ATF7IP2: variants seen among roughly 807,000 people sequenced by gnomAD.
ATF7IP2 encodes the protein activating transcription factor 7-interacting protein 2.
A neutral mutation model predicts 64.2 loss-of-function variants in ATF7IP2; 42 were observed. That is an observed-to-expected ratio of 0.65 (90% CI 0.51 to 0.85). The LOEUF (loss-of-function observed/expected upper bound fraction) is 0.85, where lower values mean the gene tolerates loss of function less well. Ranked by LOEUF, ATF7IP2 falls within the 40% of genes least tolerant of loss-of-function variation. The pLI, the probability that ATF7IP2 is intolerant of heterozygous loss-of-function variation, is 0.00. For synonymous variants in ATF7IP2, 308 were observed against 272.8 expected, an observed-to-expected ratio of 1.13 and a Z score of -1.27; for missense variants, 933 against 784.2, an observed-to-expected ratio of 1.19 and a Z score of -2.27.
At chr16:10,475,722 G>GGA (rs2049979660) in intron 12 of ATF7IP2, among the ~76,000 whole-genome samples, 1 of 41,630 alleles carries the variant, frequency 2.4e-5, no homozygotes, top group Non-Finnish European at 4.0e-5. Flanking sequence ...TAAGAAGCCA[G>GGA]AAAAAAAAAA....
At chr16:10,462,156 C>T (rs1315095630) in intron 9 of ATF7IP2, among the ~76,000 whole-genome samples, 1 of 152,048 alleles carries the variant, frequency 6.6e-6, no homozygotes, top group East Asian at 1.9e-4. Context: ...AATGCTTGAT[C>T]TTAGAATACT....
intron 9 of ATF7IP2, among the ~76,000 whole-genome samples, chr16:10,470,486 C>CTGAT (rs2049752144): frequency 6.6e-6 from 1 of 152,106 alleles, no homozygotes; most frequent in Admixed American, 6.6e-5. Context: ...AAGTAACAAA[C>CTGAT]TGATTAAAAA....
chr16:10,441,773 C>T (rs2048631736), intron 8 of ATF7IP2, among the ~76,000 whole-genome samples: 1 of 152,192 alleles, frequency 6.6e-6, no homozygotes, highest in East Asian at 1.9e-4. Flanking sequence ...TCAATTTTGG[C>T]TTTTGTTGCT....
chr16:10,386,257 G>A (rs1054351737), intron 1 of ATF7IP2, 135 bp downstream of exon 1: 13 of 152,286 alleles, frequency 8.5e-5, no homozygotes, highest in African/African-American at 3.1e-4. Flanking sequence ...TTGCGGCGAA[G>A]CTGCCCTGAC....
At chr16:10,424,388 C>T (rs964250486) in intron 3 of ATF7IP2, among the ~76,000 whole-genome samples, 4 of 152,110 alleles carry the variant, frequency 2.6e-5, no homozygotes, top group African/African-American at 9.7e-5. Flanking sequence ...GGATCAAAAA[C>T]CTAAATATAA....
At chr16:10,473,390 G>A in intron 10 of ATF7IP2, 89 bp from the exon 11 acceptor site, 1 of 790,836 alleles carries the variant, frequency 1.3e-6, no homozygotes, top group Non-Finnish European at 2.2e-6. Flanking sequence ...CAGCTAATTA[G>A]CATCCCTATT....
intron 1 of ATF7IP2, among the ~76,000 whole-genome samples, chr16:10,389,290 A>G (rs2047272946): frequency 6.6e-6 from 1 of 152,212 alleles, no homozygotes; most frequent in African/African-American, 2.4e-5. Context: ...AACAACTTAA[A>G]TATTGATTTA....
intron 1 of ATF7IP2, among the ~76,000 whole-genome samples, chr16:10,409,560 G>A (rs1440529595): frequency 6.6e-6 from 1 of 151,286 alleles, no homozygotes; most frequent in Non-Finnish European, 1.5e-5. Flanking sequence ...CTAAGTAGCT[G>A]AGACTACAGG....
chr16:10,420,949 T>G (rs994958315), intron 3 of ATF7IP2, among the ~76,000 whole-genome samples: 4 of 152,206 alleles, frequency 2.6e-5, no homozygotes, highest in African/African-American at 9.6e-5. Flanking sequence ...TGGTTAAAAT[T>G]TAGTTATTTT....
intron 1 of ATF7IP2, chr16:10,386,847 A>G (rs552161504): frequency 5.6e-4 from 65 of 115,684 alleles, no homozygotes; most frequent in African/African-American, 2.0e-3. Context: ...GAAAGAGAGG[A>G]CGCAATAATT....
chr16:10,481,890 C>G lies in ATF7IP2; in HGVS notation c.1690C>G (p.Pro564Ala), dbSNP rs763824376. The G allele has an allele frequency of 6.2e-7, 1 of 1,612,546 alleles. No homozygotes were observed. The highest frequency in any genetic ancestry group is 1.7e-5 in the Admixed American group (1 of 59,584). The change falls in exon 14 of 14, where the codon CCT (proline) becomes GCT (alanine). Residue 564 changes from proline to alanine, a missense_variant. Transcript: ENST00000562102. ...TCTCCCAGAACCACCAGCACCACTACCTGAATTAGTAGACAAAACCCGAGA... is the reference window on the plus strand; with the variant it reads ...TCTCCCAGAACCACCAGCACCACTAGCTGAATTAGTAGACAAAACCCGAGA... ...PPLPEPPAPLPELVDKTRDTL... is the reference protein window; with the variant it reads ...PPLPEPPAPLAELVDKTRDTL...
intron 2 of ATF7IP2, among the ~76,000 whole-genome samples, chr16:10,415,720 T>C (rs2047859485): frequency 6.6e-6 from 1 of 152,234 alleles, no homozygotes; most frequent in African/African-American, 2.4e-5. Flanking sequence ...TGACATGGCA[T>C]TAATAACCAG....
chr16:10,389,009 C>CAAAA (rs777578652), intron 1 of ATF7IP2, among the ~76,000 whole-genome samples: 1 of 118,562 alleles, frequency 8.4e-6, no homozygotes. Context: ...AAGACTGTCT[C>CAAAA]AAAAAAAAAA....
Position 10,386,917 on chromosome 16 carries a change from T to A in ATF7IP2, c.-242+795T>A, listed in dbSNP as rs1185052510. 3.3e-5 allele frequency: 5 copies of A among 152,238 alleles called. No individual in the cohort carries two copies. The East Asian group carries it at 7.7e-4, about 23-fold the overall frequency. 9.4% of individuals were successfully genotyped at this position (152,238 alleles called of 1,614,324 possible). ...CTTAAGGAAACGGACTTTCTACCTT[T>A]CCGTGTTTCTGTGTTGAAAATGAAG... On this transcript the variant is annotated intron_variant, in intron 1 of 13. Transcript: ENST00000562102.
intron 9 of ATF7IP2, among the ~76,000 whole-genome samples, chr16:10,459,573 G>C (rs939796960): frequency 2.6e-5 from 4 of 152,092 alleles, no homozygotes; most frequent in Admixed American, 2.0e-4. Flanking sequence ...CTTGAACCCG[G>C]GAGGCAGAGG....
chr16:10,447,420 C>T (rs1432742669), intron 8 of ATF7IP2: 1 of 152,130 alleles, frequency 6.6e-6, no homozygotes, highest in East Asian at 1.9e-4. Context: ...GAATGGGATC[C>T]CAGGCAGGGC....
At chr16:10,423,612 G>C (rs2048028801) in intron 3 of ATF7IP2, among the ~76,000 whole-genome samples, 1 of 152,170 alleles carries the variant, frequency 6.6e-6, no homozygotes, top group African/African-American at 2.4e-5. Flanking sequence ...AAAAGATCTG[G>C]AGGGTCAGGC....
intron 1 of ATF7IP2, among the ~76,000 whole-genome samples, chr16:10,404,638 G>T (rs1477955582): frequency 1.3e-5 from 2 of 152,130 alleles, no homozygotes; most frequent in Non-Finnish European, 2.9e-5. Context: ...CCACCTCCAG[G>T]TTTAAGCAGT....
intron 2 of ATF7IP2, among the ~76,000 whole-genome samples, 192 bp downstream of exon 2, chr16:10,414,804 A>G (rs890975917): frequency 6.6e-6 from 1 of 152,108 alleles, no homozygotes; most frequent in African/African-American, 2.4e-5. Flanking sequence ...CTTTTGTCCC[A>G]CGGGATGTTC....
Sources: gnomAD v4.1 joint callset for allele counts (sites outside exome capture counted in the v4.1 genomes callset) on GRCh38, gnomAD v4.1.1 for gene constraint, MANE v1.5 for transcripts, NCBI Gene and HGNC (gene_info 2026-07-23, HGNC 2026-07-21) for gene names.